The following XXYLT1 variants were observed in gnomAD, a reference collection of about 807,000 sequenced individuals.
The protein encoded by XXYLT1 is UDP-xylose:alpha-xyloside alpha-1,3-xylosyltransferase.
XXYLT1 carries 20 observed loss-of-function variants against 28.9 expected under a neutral mutation model. The ratio of observed to expected loss-of-function variants is 0.69; its 90% confidence interval spans 0.49 to 1.00. XXYLT1 has a LOEUF of 1.00. Ranked by LOEUF, XXYLT1 falls within the 50% of genes least tolerant of loss-of-function variation. The pLI, the probability that XXYLT1 is intolerant of heterozygous loss-of-function variation, is 0.00. For missense variants in XXYLT1, 542 were observed against 560.1 expected, an observed-to-expected ratio of 0.97 and a Z score of 0.33; for synonymous variants, 257 against 253.8, an observed-to-expected ratio of 1.01 and a Z score of -0.12.
chr3:195,198,022 CT>C (rs1722700605), intron 2 of XXYLT1, among the ~76,000 whole-genome samples: 1 of 152,250 alleles, frequency 6.6e-6, no homozygotes, highest in African/African-American at 2.4e-5. Context: ...CGGCTCTCCC[CT>C]ATCCATGAAA....
At chr3:195,072,868 C>T (rs554130315) in intron 3 of XXYLT1, among the ~76,000 whole-genome samples, 6 of 152,284 alleles carry the variant, frequency 3.9e-5, no homozygotes, top group Non-Finnish European at 7.4e-5. Context: ...GTAGAGGAAT[C>T]GCATCAGCCT....
intron 3 of XXYLT1, among the ~76,000 whole-genome samples, chr3:195,126,190 G>A (rs1718612432): frequency 6.6e-6 from 1 of 152,192 alleles, no homozygotes; most frequent in East Asian, 1.9e-4. Context: ...GAGGTCGAGA[G>A]GCCCACTCAG....
In XXYLT1 at chr3:195,144,557, T is replaced by TA. The variant is rs559525577; in HGVS notation, c.785+11891dup. On this transcript the variant is annotated intron_variant, in intron 3 of 3. Transcript: ENST00000310380. Reference sequence around the variant, plus strand: ...ACACTTGGCAAATTTTTTGTATCTTTAGTAGGGACGGGGTTTCACCACATT... The same window carrying TA: ...ACACTTGGCAAATTTTTTGTATCTTTAAGTAGGGACGGGGTTTCACCACATT... Among the ~76,000 whole-genome samples the TA allele has an allele frequency of 2.0e-3, 301 of 152,106 alleles. 1 individual carries two copies. Among genetic ancestry groups the TA allele is most frequent in the African/African-American group, 6.9e-3 (287 of 41,502 alleles).
chr3:195,175,815 G>GGCCT (rs1577110326), intron 2 of XXYLT1: 1 of 1,424,036 alleles, frequency 7.0e-7, no homozygotes, highest in East Asian at 2.7e-5. Flanking sequence ...GGATGGAAGT[G>GGCCT]GCCTCGATTC....
chr3:195,114,633 T>C (rs1717949147), intron 3 of XXYLT1, among the ~76,000 whole-genome samples: 1 of 152,214 alleles, frequency 6.6e-6, no homozygotes, highest in Non-Finnish European at 1.5e-5. Context: ...TTTACACGTT[T>C]AATTACGAAG....
chr3:195,197,879 C>T (rs554829812), intron 2 of XXYLT1, among the ~76,000 whole-genome samples: 4 of 152,210 alleles, frequency 2.6e-5, no homozygotes, highest in African/African-American at 2.4e-5. Context: ...TATGGAAAAG[C>T]GAACCAGAGG....
At chr3:195,196,734 T>C (rs1722641134) in intron 2 of XXYLT1, among the ~76,000 whole-genome samples, 1 of 152,054 alleles carries the variant, frequency 6.6e-6, no homozygotes, top group Admixed American at 6.5e-5. Flanking sequence ...TGTAACAGGA[T>C]AAGAAAAGAA....
intron 3 of XXYLT1, among the ~76,000 whole-genome samples, chr3:195,154,690 C>G (rs758382520): frequency 6.6e-6 from 1 of 152,204 alleles, no homozygotes; most frequent in African/African-American, 2.4e-5. Flanking sequence ...AACCCCAAGT[C>G]AAAAGTCACA....
At chr3:195,135,600 C>A (rs992852376) in intron 3 of XXYLT1, among the ~76,000 whole-genome samples, 1 of 152,184 alleles carries the variant, frequency 6.6e-6, no homozygotes, top group Non-Finnish European at 1.5e-5. Context: ...CACCAGGAGG[C>A]TGAGACCCAC....
At chr3:195,172,484 T>A (rs75091024) in intron 2 of XXYLT1, among the ~76,000 whole-genome samples, 1 of 152,220 alleles carries the variant, frequency 6.6e-6, no homozygotes, top group Non-Finnish European at 1.5e-5. Context: ...TGCAAAGTTC[T>A]AAGACATGGA....
chr3:195,069,853 C>T lies in XXYLT1; in HGVS notation c.1044G>A (p.Leu348=). 1 of 1,614,168 alleles carries T rather than the reference C, an allele frequency of 6.2e-7. No homozygotes were observed. The highest frequency in any genetic ancestry group is 8.5e-7 in the Non-Finnish European group (1 of 1,180,030). Residue 348 remains leucine (L), a synonymous_variant, in exon 4 of 4, where the codon CTG becomes CTA. Coordinates refer to ENST00000310380, the MANE Select transcript of XXYLT1 (RefSeq NM_152531.5). ...GMEHPKLFHV[L]DCTWNRQLCT... ...ACAGCTGCCGGTTCCAGGTACAGTC[C>T]AGCACATGGAAGAGCTTGGGGTGCT...
intron 3 of XXYLT1, among the ~76,000 whole-genome samples, chr3:195,071,717 T>C (rs184396321): frequency 1.9e-3 from 291 of 152,314 alleles, no homozygotes; most frequent in South Asian, 7.0e-3. Context: ...GTGTTCATTT[T>C]ACCCTATTTC....
In XXYLT1 at chr3:195,069,591, C is replaced by T. The variant is rs1041883137; in HGVS notation, c.*124G>A. 30 of 1,404,138 alleles carry T rather than the reference C, an allele frequency of 2.1e-5. No homozygotes were observed. The Admixed American group carries it at 5.1e-4, about 24-fold the overall frequency. The allele number at this position is 1,404,138 out of a possible 1,614,324, so 87.0% of individuals were successfully genotyped here. On this transcript the variant is annotated 3_prime_UTR_variant, in exon 4 of 4. Transcript: ENST00000310380. The stretch of plus-strand genomic sequence containing the variant: ...ACCTGCCCGGCAGGAGGTCTCAGCA[C>T]CTTAATCACAGGACTTCCCTGCGGT...
chr3:195,187,062 T>C (rs542917449), intron 2 of XXYLT1, among the ~76,000 whole-genome samples: 1 of 150,932 alleles, frequency 6.6e-6, no homozygotes, highest in East Asian at 2.0e-4. Flanking sequence ...GCCCAGCTAA[T>C]TTTTATATTT....
At chr3:195,070,869 G>A (rs1290648386) in intron 3 of XXYLT1, among the ~76,000 whole-genome samples, 1 of 152,132 alleles carries the variant, frequency 6.6e-6, no homozygotes, top group Non-Finnish European at 1.5e-5. Flanking sequence ...TACTTTAGAA[G>A]GAATGTCACT....
chr3:195,140,159 C>T (rs1206051234), intron 3 of XXYLT1, among the ~76,000 whole-genome samples: 1 of 152,180 alleles, frequency 6.6e-6, no homozygotes, highest in Admixed American at 6.5e-5. Flanking sequence ...TCAATGGTGA[C>T]AATAAAGCAT....
At chr3:195,264,748 T>C (rs762795733) in intron 1 of XXYLT1, among the ~76,000 whole-genome samples, 54 of 152,104 alleles carry the variant, frequency 3.6e-4, no homozygotes, top group Non-Finnish European at 4.9e-4. Context: ...AATGAATACA[T>C]GAAAAAATGA....
chr3:195,204,104 G>A (rs1560150397), intron 2 of XXYLT1, among the ~76,000 whole-genome samples: 1 of 152,174 alleles, frequency 6.6e-6, no homozygotes, highest in Non-Finnish European at 1.5e-5. Context: ...CAGCATTTTG[G>A]GAGGCTGAGG....
chr3:195,167,906 G>A (rs553755552), intron 2 of XXYLT1, among the ~76,000 whole-genome samples: 35 of 152,304 alleles, frequency 2.3e-4, no homozygotes, highest in African/African-American at 7.7e-4. Flanking sequence ...GCAATGACCC[G>A]CTTAGAAAAA....
Sources: gnomAD v4.1 joint callset for allele counts (sites outside exome capture counted in the v4.1 genomes callset) on GRCh38, gnomAD v4.1.1 for gene constraint, MANE v1.5 for transcripts, NCBI Gene and HGNC (gene_info 2026-07-23, HGNC 2026-07-21) for gene names.